The following DSCAM variants were observed in gnomAD, a reference collection of about 807,000 sequenced individuals.
DSCAM encodes cell adhesion molecule DSCAM.
In DSCAM, 47 loss-of-function variants were observed where a neutral mutation model predicts 217.7. The observed-to-expected ratio is 0.22, with a 90% CI of 0.17 to 0.28. The LOEUF is 0.28. Among genes scored for constraint, DSCAM ranks in the 10% least tolerant of loss-of-function variants. The pLI is 1.00. For missense variants in DSCAM, 2,080 were observed against 2,618.3 expected, an observed-to-expected ratio of 0.79 and a Z score of 4.49; for synonymous variants, 1,056 against 1,015.3, an observed-to-expected ratio of 1.04 and a Z score of -0.76.
chr21:40,359,372 C>T lies in DSCAM; in HGVS notation c.656-5629G>A, dbSNP rs2074732666. Among the ~76,000 whole-genome samples the T allele has an allele frequency of 3.3e-5, 5 of 152,104 alleles. No homozygotes were observed. The South Asian group carries it at 1.0e-3, about 32-fold the overall frequency. On this transcript the variant is annotated intron_variant, in intron 4 of 32. Transcript: ENST00000400454. ...CATTGGCTAGAGTTTATTTTTTCCC[C>T]AGGTGTATTGTGGTATACTTGCCAA...
chr21:40,471,481 A>G (rs976416495), intron 3 of DSCAM, among the ~76,000 whole-genome samples: 4 of 152,210 alleles, frequency 2.6e-5, no homozygotes, highest in African/African-American at 7.2e-5. Context: ...TGCATGAGAC[A>G]GTACTAGGGT....
At chr21:40,630,204 G>A (rs2089669947) in intron 3 of DSCAM, among the ~76,000 whole-genome samples, 1 of 152,212 alleles carries the variant, frequency 6.6e-6, no homozygotes, top group African/African-American at 2.4e-5. Context: ...GACAGAAGCA[G>A]AGGCAGAGAG....
chr21:40,150,612 A>G (rs550861474), intron 16 of DSCAM, among the ~76,000 whole-genome samples: 4 of 152,344 alleles, frequency 2.6e-5, no homozygotes, highest in African/African-American at 7.2e-5. Flanking sequence ...TGGATGAGTC[A>G]GTAGGAGTGG....
chr21:40,846,054 T>C (rs1485195715), intron 1 of DSCAM, among the ~76,000 whole-genome samples: 2 of 152,138 alleles, frequency 1.3e-5, no homozygotes, highest in East Asian at 3.9e-4. Flanking sequence ...TATCAGTGCA[T>C]ATTTTTACAT....
intron 3 of DSCAM, among the ~76,000 whole-genome samples, chr21:40,673,670 T>C (rs1216198398): frequency 6.6e-6 from 1 of 152,184 alleles, no homozygotes; most frequent in African/African-American, 2.4e-5. Flanking sequence ...TTCCCATGAA[T>C]AGTTTAGCAC....
chr21:40,683,955 G>A (rs931239627), intron 3 of DSCAM, among the ~76,000 whole-genome samples: 5 of 151,988 alleles, frequency 3.3e-5, no homozygotes, highest in Non-Finnish European at 5.9e-5. Flanking sequence ...GGCCACGCAC[G>A]GTGGCTCACA....
chr21:40,720,797 G>C (rs1468193444), intron 1 of DSCAM, among the ~76,000 whole-genome samples: 4 of 152,160 alleles, frequency 2.6e-5, no homozygotes, highest in African/African-American at 9.7e-5. Context: ...TTATATTGTG[G>C]GGTTAGGGGG....
intron 14 of DSCAM, among the ~76,000 whole-genome samples, chr21:40,184,771 G>A (rs1216026883): frequency 6.6e-6 from 1 of 152,078 alleles, no homozygotes; most frequent in African/African-American, 2.4e-5. Context: ...GAGAACCAGA[G>A]TCCCTGCCTT....
chr21:40,528,776 T>C (rs1192378855), intron 3 of DSCAM, among the ~76,000 whole-genome samples: 1 of 152,118 alleles, frequency 6.6e-6, no homozygotes, highest in Non-Finnish European at 1.5e-5. Flanking sequence ...TCATTGTCTC[T>C]GCTTTCAGAA....
rs548242056 is a variant in DSCAM at position 40,157,340 on chromosome 21, TG to T, written c.3018+9877del. Reference sequence around the variant, plus strand: ...TGCAGACTCGTACAGGACAGTGCTGTGGACAGAACCAGCATGTGAGGTAGAA... The same window carrying T: ...TGCAGACTCGTACAGGACAGTGCTGTGACAGAACCAGCATGTGAGGTAGAA... On this transcript the variant is annotated intron_variant, in intron 16 of 32. Coordinates refer to ENST00000400454, the MANE Select transcript of DSCAM (RefSeq NM_001389.5). Among the ~76,000 whole-genome samples the T allele has an allele frequency of 2.7e-3, 410 of 152,234 alleles. 1 individual carries two copies. Among genetic ancestry groups the T allele is most frequent in the African/African-American group, 8.9e-3 (371 of 41,556 alleles).
intron 32 of DSCAM, among the ~76,000 whole-genome samples, chr21:40,021,622 C>T (rs1326505129): frequency 3.3e-5 from 5 of 152,198 alleles, no homozygotes; most frequent in Admixed American, 3.3e-4. Context: ...CAGCATTTTG[C>T]TTTCTTATTT....
intron 3 of DSCAM, among the ~76,000 whole-genome samples, chr21:40,584,608 A>C (rs370830564): frequency 5.3e-5 from 8 of 152,198 alleles, no homozygotes; most frequent in African/African-American, 9.6e-5. Context: ...TCCCTCAAAG[A>C]AGCAGCAGGG....
At chr21:40,042,836 C>T (rs2088778206) in intron 31 of DSCAM, among the ~76,000 whole-genome samples, 163 bp from the exon 32 acceptor site, 1 of 152,228 alleles carries the variant, frequency 6.6e-6, no homozygotes, top group African/African-American at 2.4e-5. Context: ...CACTCTGAGG[C>T]CAGCTTCACA....
intron 1 of DSCAM, among the ~76,000 whole-genome samples, chr21:40,777,541 A>G (rs1431358322): frequency 1.3e-5 from 2 of 152,228 alleles, no homozygotes; most frequent in African/African-American, 4.8e-5. Flanking sequence ...CACAATTCAG[A>G]AAACGGGAGA....
chr21:40,228,359 G>T (rs1236382801), intron 11 of DSCAM, among the ~76,000 whole-genome samples: 37 of 152,066 alleles, frequency 2.4e-4, no homozygotes, highest in Non-Finnish European at 1.5e-5. Context: ...AAATTACTTG[G>T]AATTCTTTCG....
intron 4 of DSCAM, among the ~76,000 whole-genome samples, chr21:40,362,994 G>A (rs2074784602): frequency 6.6e-6 from 1 of 152,064 alleles, no homozygotes; most frequent in Non-Finnish European, 1.5e-5. Context: ...GCTTTATGTT[G>A]ATTCCTATGT....
At chr21:40,623,958 A>G (rs2089562441) in intron 3 of DSCAM, among the ~76,000 whole-genome samples, 1 of 152,170 alleles carries the variant, frequency 6.6e-6, no homozygotes, top group Non-Finnish European at 1.5e-5. Context: ...TTCCAGGCAC[A>G]CAAGATTTTT....
intron 3 of DSCAM, among the ~76,000 whole-genome samples, chr21:40,379,825 G>A (rs1468167706): frequency 2.0e-5 from 3 of 152,084 alleles, no homozygotes; most frequent in Non-Finnish European, 4.4e-5. Context: ...CATATTGAGG[G>A]GGCAGAGCTC....
chr21:40,665,232 G>C lies in DSCAM; in HGVS notation c.508+27578C>G, dbSNP rs1298674851. ...TGGGGAGGTGGCAAATTCAGAGTGA[G>C]TAGTCAAAAGCAGCCTTCTGGGTGC... On this transcript the variant is annotated intron_variant, in intron 3 of 32. Coordinates refer to ENST00000400454, the MANE Select transcript of DSCAM (RefSeq NM_001389.5). Among the ~76,000 whole-genome samples the C allele has an allele frequency of 2.6e-5, 4 of 152,332 alleles. No individual in the cohort carries two copies. The South Asian group carries it at 8.3e-4, about 32-fold the overall frequency.
Sources: gnomAD v4.1 joint callset for allele counts (sites outside exome capture counted in the v4.1 genomes callset) on GRCh38, gnomAD v4.1.1 for gene constraint, MANE v1.5 for transcripts, NCBI Gene and HGNC (gene_info 2026-07-23, HGNC 2026-07-21) for gene names.